The following LPP variants were observed in gnomAD, a reference collection of about 807,000 sequenced individuals.
LPP encodes the protein lipoma-preferred partner.
LPP carries 38 observed loss-of-function variants against 60.4 expected under a neutral mutation model. The ratio of observed to expected loss-of-function variants is 0.63; its 90% CI spans 0.49 to 0.83. The LOEUF (loss-of-function observed/expected upper bound fraction) is 0.83, where lower values mean the gene tolerates loss of function less well. Ranked by LOEUF, LPP falls within the 40% of genes least tolerant of loss-of-function variation. LPP has a pLI of 0.00. For synonymous variants in LPP, 328 were observed against 290.8 expected, an observed-to-expected ratio of 1.13 and a Z score of -1.30; for missense variants, 902 against 783.6, an observed-to-expected ratio of 1.15 and a Z score of -1.80.
At chr3:188,370,400 G>GGTAA (rs1772675248) in intron 3 of LPP, among the ~76,000 whole-genome samples, 1 of 152,136 alleles carries the variant, frequency 6.6e-6, no homozygotes, top group African/African-American at 2.4e-5. Context: ...GATAGATGTG[G>GGTAA]GTAACTCTCT....
chr3:188,324,486 T>C (rs1490048491), intron 2 of LPP, among the ~76,000 whole-genome samples: 2 of 152,208 alleles, frequency 1.3e-5, no homozygotes, highest in Admixed American at 6.5e-5. Context: ...GCATGAGGCA[T>C]GTTCACCCCC....
chr3:188,281,149 A>G (rs922206009), intron 2 of LPP, among the ~76,000 whole-genome samples: 13 of 152,140 alleles, frequency 8.5e-5, no homozygotes, highest in Admixed American at 6.6e-4. Context: ...GCACATATGA[A>G]TTATTTAATA....
intron 3 of LPP, among the ~76,000 whole-genome samples, chr3:188,391,339 C>T (rs1779654754): frequency 6.6e-6 from 1 of 152,174 alleles, no homozygotes; most frequent in African/African-American, 2.4e-5. Flanking sequence ...TGGGTGTGCT[C>T]TGTGCACGGC....
chr3:188,288,233 G>GTGATGGGA (rs1454017126), intron 2 of LPP, among the ~76,000 whole-genome samples: 3 of 152,220 alleles, frequency 2.0e-5, no homozygotes, highest in Admixed American at 2.0e-4. Flanking sequence ...AAAGCAGGCT[G>GTGATGGGA]TGATGGGAAT....
chr3:188,495,082 A>ATATATATATATATATATAT (rs1342207321), intron 5 of LPP, among the ~76,000 whole-genome samples: 70 of 97,094 alleles, frequency 7.2e-4, no homozygotes, highest in African/African-American at 1.4e-3. Flanking sequence ...ATATATATAT[A>ATATATATATATATATATAT]TTTTATTTAT....
chr3:188,419,283 C>T (rs1333217704), intron 4 of LPP, among the ~76,000 whole-genome samples: 2 of 152,146 alleles, frequency 1.3e-5, no homozygotes, highest in Non-Finnish European at 2.9e-5. Flanking sequence ...ACGTCTTAGC[C>T]CTTAAACAGT....
chr3:188,721,869 C>T (rs189764341), intron 8 of LPP, among the ~76,000 whole-genome samples: 17 of 152,152 alleles, frequency 1.1e-4, no homozygotes, highest in African/African-American at 4.1e-4. Context: ...GCCGGTTTCT[C>T]TTCCATAGGT....
intron 2 of LPP, among the ~76,000 whole-genome samples, chr3:188,247,738 G>T (rs1467296287): frequency 2.0e-5 from 3 of 151,444 alleles, no homozygotes; most frequent in South Asian, 4.2e-4. Context: ...GGTGGAGGTT[G>T]CAGTGAGACG....
intron 3 of LPP, among the ~76,000 whole-genome samples, chr3:188,345,341 G>T (rs1035943168): frequency 2.6e-5 from 4 of 152,090 alleles, no homozygotes; most frequent in African/African-American, 9.7e-5. Flanking sequence ...TGCTTTCCGT[G>T]TTTATTAAAA....
At chr3:188,273,906 A>G (rs1250356969) in intron 2 of LPP, among the ~76,000 whole-genome samples, 1 of 152,010 alleles carries the variant, frequency 6.6e-6, no homozygotes, top group African/African-American at 2.4e-5. Context: ...TCTATTTTAT[A>G]TCTTATAGTA....
intron 1 of LPP, among the ~76,000 whole-genome samples, chr3:188,187,675 G>A (rs1021874209): frequency 5.9e-5 from 9 of 151,730 alleles, no homozygotes; most frequent in African/African-American, 1.9e-4. Context: ...AATTTCTTAC[G>A]CAGTTTCCCC....
chr3:188,598,989 C>A (rs932927098), intron 6 of LPP, among the ~76,000 whole-genome samples: 49 of 152,112 alleles, frequency 3.2e-4, no homozygotes, highest in African/African-American at 1.1e-3. Context: ...CTTCAGCAAA[C>A]GAGGTCGCTT....
intron 1 of LPP, among the ~76,000 whole-genome samples, chr3:188,181,828 T>G (rs1020070475): frequency 2.0e-5 from 3 of 152,160 alleles, no homozygotes; most frequent in African/African-American, 7.2e-5. Context: ...GCTCAATCAA[T>G]TCTTCTGCCT....
intron 7 of LPP, among the ~76,000 whole-genome samples, chr3:188,636,511 G>T (rs188919802): frequency 0.011 from 1,636 of 152,264 alleles, 23 homozygotes; most frequent in African/African-American, 0.037. Flanking sequence ...ACTTGCTTAG[G>T]TAAACAAAGC....
intron 2 of LPP, among the ~76,000 whole-genome samples, chr3:188,291,099 A>G (rs941271084): frequency 1.1e-4 from 17 of 152,190 alleles, no homozygotes; most frequent in African/African-American, 3.9e-4. Flanking sequence ...ACTGAATGAT[A>G]CTTAATTTTA....
rs74661693 is a variant in LPP, at chr3:188,519,205, A to G, written c.307-5460A>G. 9.8e-3 allele frequency among the ~76,000 whole-genome samples: 1,487 copies of G among 152,268 alleles called. 20 individuals carry two copies. Among genetic ancestry groups the G allele is most frequent in the African/African-American group, 0.033 (1,354 of 41,536 alleles). On this transcript the variant is annotated intron_variant, in intron 5 of 11. Coordinates refer to ENST00000617246, the MANE Select transcript of LPP (RefSeq NM_001375462.1). The stretch of plus-strand genomic sequence containing the variant: ...GTGAAATCTGGTACACACTACCTTA[A>G]TCGAGTCATCAAACTCAGCATCACC...
intron 7 of LPP, among the ~76,000 whole-genome samples, chr3:188,666,621 A>G (rs1855854453): frequency 1.3e-5 from 2 of 152,212 alleles, no homozygotes; most frequent in South Asian, 4.1e-4. Flanking sequence ...TTCAACAGGA[A>G]AGAAGGAAAG....
chr3:188,426,959 T>A (rs1789539752), intron 4 of LPP, among the ~76,000 whole-genome samples: 1 of 152,174 alleles, frequency 6.6e-6, no homozygotes, highest in East Asian at 1.9e-4. Flanking sequence ...ACATTGAAGG[T>A]TAATATTGTT....
At chr3:188,681,564 G>C (rs1859525515) in intron 7 of LPP, among the ~76,000 whole-genome samples, 1 of 152,140 alleles carries the variant, frequency 6.6e-6, no homozygotes, top group African/African-American at 2.4e-5. Flanking sequence ...CTGCGGACAG[G>C]ATATGCTTCT....
Sources: gnomAD v4.1 joint callset for allele counts (sites outside exome capture counted in the v4.1 genomes callset) on GRCh38, gnomAD v4.1.1 for gene constraint, MANE v1.5 for transcripts, NCBI Gene and HGNC (gene_info 2026-07-23, HGNC 2026-07-21) for gene names.